KALRN: variants seen among roughly 807,000 people sequenced by gnomAD.
The protein encoded by KALRN is kalirin.
In KALRN, 70 loss-of-function variants were observed where a neutral mutation model predicts 353.7. The ratio of observed to expected loss-of-function variants is 0.20; its 90% CI spans 0.16 to 0.24. The LOEUF (loss-of-function observed/expected upper bound fraction) is 0.24. Among genes scored for constraint, KALRN ranks in the 10% least tolerant of loss-of-function variants. The pLI is 1.00. For missense variants in KALRN, 2,791 were observed against 3,756.7 expected, an observed-to-expected ratio of 0.74 and a Z score of 6.72; for synonymous variants, 1,391 against 1,434.8, an observed-to-expected ratio of 0.97 and a Z score of 0.69.
chr3:124,492,522 G>T (rs773811229), intron 31 of KALRN, among the ~76,000 whole-genome samples: 17 of 152,228 alleles, frequency 1.1e-4, no homozygotes, highest in Non-Finnish European at 2.5e-4. Flanking sequence ...TCCCGTACAA[G>T]TAATTCTGCA....
intron 11 of KALRN, among the ~76,000 whole-genome samples, chr3:124,389,465 G>C (rs2088981770): frequency 2.0e-5 from 3 of 152,182 alleles, no homozygotes; most frequent in Non-Finnish European, 4.4e-5. Flanking sequence ...ATTCAAGTCT[G>C]CTTAATCCTA....
At chr3:124,404,347 T>C (rs2091256872) in intron 13 of KALRN, among the ~76,000 whole-genome samples, 1 of 152,180 alleles carries the variant, frequency 6.6e-6, no homozygotes, top group Non-Finnish European at 1.5e-5. Flanking sequence ...CTATGGTATA[T>C]ATCCTCTATT....
chr3:124,350,990 G>T (rs2082774463), intron 10 of KALRN, among the ~76,000 whole-genome samples: 1 of 152,136 alleles, frequency 6.6e-6, no homozygotes, highest in Non-Finnish European at 1.5e-5. Context: ...AGCATCCTGG[G>T]ATTGTTAGTC....
chr3:124,562,244 C>G (rs1370724593), intron 33 of KALRN, among the ~76,000 whole-genome samples: 1 of 152,128 alleles, frequency 6.6e-6, no homozygotes, highest in Non-Finnish European at 1.5e-5. Context: ...GTCCTCGTAG[C>G]CTCGATTTTA....
At chr3:124,577,909 T>G (rs2074281345) in intron 34 of KALRN, among the ~76,000 whole-genome samples, 1 of 152,012 alleles carries the variant, frequency 6.6e-6, no homozygotes, top group South Asian at 2.1e-4. Flanking sequence ...CCACCATATT[T>G]GGAGTTCAAA....
intron 33 of KALRN, among the ~76,000 whole-genome samples, chr3:124,540,652 C>T (rs1282361345): frequency 6.6e-6 from 1 of 152,204 alleles, no homozygotes; most frequent in African/African-American, 2.4e-5. Flanking sequence ...CTTGTCCAAG[C>T]CACAGAGCTG....
chr3:124,142,793 G>C lies in KALRN; in HGVS notation c.74-85197G>C, dbSNP rs577042028. 7.2e-5 allele frequency among the ~76,000 whole-genome samples: 11 copies of C among 151,972 alleles called. No individual in the cohort carries two copies. The South Asian group carries it at 1.7e-3, about 23-fold the overall frequency. On this transcript the variant is annotated intron_variant, in intron 1 of 59. Transcript: ENST00000682506. The stretch of plus-strand genomic sequence containing the variant: ...CCTGCACCATGCCGCTGCTCTCCCT[G>C]CTCTAAGAATAAATCATCACTGTTG...
At chr3:124,664,390 G>GCGC (rs2085342272) in intron 45 of KALRN, among the ~76,000 whole-genome samples, 1 of 141,544 alleles carries the variant, frequency 7.1e-6, no homozygotes, top group African/African-American at 2.7e-5. Context: ...CGCATATAAG[G>GCGC]GCACCCACAA....
chr3:124,478,663 CT>C (rs1435717547), intron 27 of KALRN, among the ~76,000 whole-genome samples: 2 of 152,200 alleles, frequency 1.3e-5, no homozygotes, highest in African/African-American at 2.4e-5. Flanking sequence ...ATTGGATGCC[CT>C]CTGCCACCAT....
intron 33 of KALRN, among the ~76,000 whole-genome samples, chr3:124,547,408 G>A (rs1304928178): frequency 6.6e-6 from 1 of 152,114 alleles, no homozygotes; most frequent in African/African-American, 2.4e-5. Context: ...CAACTCCAGG[G>A]CTCAAGCAAT....
chr3:124,358,586 G>A (rs962841556), intron 10 of KALRN, among the ~76,000 whole-genome samples: 3 of 152,096 alleles, frequency 2.0e-5, no homozygotes, highest in African/African-American at 7.2e-5. Flanking sequence ...ATGTTCACTG[G>A]TTGCCATTTT....
At chr3:124,397,483 A>G (rs1451902496) in intron 12 of KALRN, among the ~76,000 whole-genome samples, 3 of 152,230 alleles carry the variant, frequency 2.0e-5, no homozygotes, top group Admixed American at 1.3e-4. Context: ...GATGATTGGA[A>G]GTAAATGATT....
chr3:124,430,757 G>C lies in KALRN; in HGVS notation c.2811G>C (p.Gln937His). 1.9e-6 allele frequency: 3 copies of C among 1,614,018 alleles called. No individual in the cohort carries two copies. Among genetic ancestry groups the C allele is most frequent in the Non-Finnish European group, 2.5e-6 (3 of 1,179,970 alleles). Residue 937 changes from glutamine to histidine, a missense_variant, in exon 16 of 60, where the codon CAG (glutamine) becomes CAC (histidine). Transcript: ENST00000682506. The part of the protein sequence containing the change: ...EAEQLQREHE[Q>H]FQLAIESLFH... ...AGCAGCTGCAGCGGGAGCACGAGCA[G>C]TTCCAACTGGCCATCGAGGTAACAC...
chr3:124,501,393 C>T (rs1029670805), intron 33 of KALRN, among the ~76,000 whole-genome samples: 1 of 152,162 alleles, frequency 6.6e-6, no homozygotes, highest in Non-Finnish European at 1.5e-5. Flanking sequence ...TCGGATATAA[C>T]TCAATGGTTT....
chr3:124,477,971 A>G (rs2061585007), intron 27 of KALRN, among the ~76,000 whole-genome samples: 1 of 152,206 alleles, frequency 6.6e-6, no homozygotes, highest in African/African-American at 2.4e-5. Flanking sequence ...CCTCTGCTAT[A>G]ATAGAAGCCA....
Position 124,563,001 on chromosome 3 carries a change from C to A in KALRN, c.5094C>A (p.Pro1698=). Reference sequence around the variant, plus strand: ...TCCGTACCACCGAACGGAGCCCGCCCTTGGAGGGTCTGGTCCCCAGCAGCG... The same window carrying A: ...TCCGTACCACCGAACGGAGCCCGCCATTGGAGGGTCTGGTCCCCAGCAGCG... ...CLVRTTERSP[P]LEGLVPSSAL... is the part of the protein sequence containing the mutation. Residue 1698 remains proline (P), a synonymous_variant, in exon 34 of 60, where the codon CCC becomes CCA. Coordinates refer to ENST00000682506, the MANE Select transcript of KALRN (RefSeq NM_001388419.1). 7.3e-7 allele frequency: 1 copy of A among 1,367,934 alleles called. No individual in the cohort carries two copies. The highest frequency in any genetic ancestry group is 9.8e-7 in the Non-Finnish European group (1 of 1,022,014). 84.7% of individuals were successfully genotyped at this position (1,367,934 alleles called of 1,614,324 possible).
chr3:124,090,471 C>T (rs776120012), intron 1 of KALRN, among the ~76,000 whole-genome samples: 3 of 152,226 alleles, frequency 2.0e-5, no homozygotes, highest in Non-Finnish European at 2.9e-5. Context: ...TGTGGCAGAA[C>T]GAAGGCTTTC....
At chr3:124,152,088 T>G in intron 1 of KALRN, 1 of 1,268,300 alleles carries the variant, frequency 7.9e-7, no homozygotes, top group Admixed American at 1.7e-5. Flanking sequence ...CACAGGAAGT[T>G]ATTTGCTTCT....
At chr3:124,674,325 C>G in intron 48 of KALRN, 39 bp from the exon 49 acceptor site, 1 of 1,587,360 alleles carries the variant, frequency 6.3e-7, no homozygotes. Context: ...GAACTAGCGT[C>G]CTTGTGTTTG....
Sources: allele counts gnomAD v4.1 joint callset (sites outside exome capture counted in the v4.1 genomes callset), GRCh38; gene constraint gnomAD v4.1.1; transcripts MANE v1.5; gene names NCBI Gene and HGNC (gene_info 2026-07-23, HGNC 2026-07-21).